The following TSPEAR variants were observed in gnomAD, a reference collection of about 807,000 sequenced individuals.
The protein encoded by TSPEAR is thrombospondin type laminin G domain and EAR repeats.
In TSPEAR, 69 loss-of-function variants were observed where a neutral mutation model predicts 71.6. The observed-to-expected ratio is 0.96, with a 90% CI of 0.79 to 1.18. The LOEUF (loss-of-function observed/expected upper bound fraction) is 1.18. TSPEAR is among the 50% of genes most tolerant of loss of function. The pLI, the probability that TSPEAR is intolerant of heterozygous loss-of-function variation, is 0.00. For synonymous variants in TSPEAR, 402 were observed against 387.2 expected (o/e 1.04, Z -0.45); for missense variants, 971 against 894.9 (o/e 1.09, Z -1.09).
chr21:44,638,155 C>T (rs782489072), intron 1 of TSPEAR: 15 of 1,609,930 alleles, frequency 9.3e-6, no homozygotes, highest in Middle Eastern at 1.6e-4. Flanking sequence ...TCTGCTCTGG[C>T]CAGAAGTCCA....
intron 1 of TSPEAR, among the ~76,000 whole-genome samples, chr21:44,570,741 A>T (rs2053781048): frequency 6.6e-6 from 1 of 152,216 alleles, no homozygotes; most frequent in East Asian, 1.9e-4. Flanking sequence ...AAATAGAGGA[A>T]ACTGATTAAA....
intron 1 of TSPEAR, among the ~76,000 whole-genome samples, chr21:44,626,749 G>A (rs1441470010): frequency 3.9e-5 from 6 of 152,092 alleles, no homozygotes; most frequent in Non-Finnish European, 8.8e-5. Context: ...GAGGAAGCCC[G>A]TGTCCTGAGG....
chr21:44,697,371 G>C, intron 1 of TSPEAR: 1 of 1,613,182 alleles, frequency 6.2e-7, no homozygotes, highest in African/African-American at 1.3e-5. Flanking sequence ...CCAGTGAGCC[G>C]TGTATCCAGC....
chr21:44,580,736 C>T, intron 1 of TSPEAR: 1 of 753,460 alleles, frequency 1.3e-6, no homozygotes. Context: ...GCTCCACAAG[C>T]TTCTCTTCCT....
chr21:44,596,114 T>C (rs1019551465), intron 1 of TSPEAR, among the ~76,000 whole-genome samples: 1 of 152,234 alleles, frequency 6.6e-6, no homozygotes, highest in African/African-American at 2.4e-5. Flanking sequence ...CAAGCTCATG[T>C]GATTGTTGGC....
intron 1 of TSPEAR, among the ~76,000 whole-genome samples, chr21:44,669,284 G>A (rs587663114): frequency 6.6e-6 from 1 of 152,240 alleles, no homozygotes; most frequent in African/African-American, 2.4e-5. Flanking sequence ...TTAGCTGGGT[G>A]TGGTGGCACG....
Position 44,623,509 on chromosome 21 carries a change from C to T in TSPEAR, c.83-55504G>A, listed in dbSNP as rs1982581244. Among the ~76,000 whole-genome samples, 1 of 152,184 alleles carries T rather than the reference C, an allele frequency of 6.6e-6. No individual in the cohort carries two copies. Among genetic ancestry groups the T allele is most frequent in the Admixed American group, 6.5e-5 (1 of 15,288 alleles). ...TTCATTTAGATTTCCCCATGTTGTC[C>T]TCCTTTTGTTACACTTCATTTCCTT... On this transcript the variant is annotated intron_variant, in intron 1 of 11. Coordinates refer to ENST00000323084, the MANE Select transcript of TSPEAR (RefSeq NM_144991.3). This position sits in a 1 kb window ranked among gnomAD's most constrained non-coding sequence, Gnocchi z 4.5.
intron 9 of TSPEAR, among the ~76,000 whole-genome samples, chr21:44,515,068 A>C (rs1473819214): frequency 1.3e-5 from 2 of 152,132 alleles, no homozygotes; most frequent in African/African-American, 4.8e-5. Context: ...GCGCCTCTCT[A>C]TGGCACACAC....
At chr21:44,696,102 CCTTCA>C (rs1287320360) in intron 1 of TSPEAR, among the ~76,000 whole-genome samples, 2 of 152,172 alleles carry the variant, frequency 1.3e-5, no homozygotes, top group African/African-American at 4.8e-5. Context: ...CTGGACCTTC[CCTTCA>C]CAATAATGTT....
chr21:44,590,721 T>G (rs114521859), intron 1 of TSPEAR, among the ~76,000 whole-genome samples: 4,728 of 152,142 alleles, frequency 0.031, 229 homozygotes, highest in African/African-American at 0.1. Context: ...GCTACCCCAG[T>G]CCTGGGGGGC....
At chr21:44,524,360 C>A (rs1311301984) in intron 8 of TSPEAR, among the ~76,000 whole-genome samples, 5 of 151,942 alleles carry the variant, frequency 3.3e-5, no homozygotes, top group African/African-American at 1.2e-4. Context: ...GTTAGCCAGT[C>A]AGGTAGCTAG....
At chr21:44,591,864 T>A in intron 1 of TSPEAR, 1 of 1,577,516 alleles carries the variant, frequency 6.3e-7, no homozygotes, top group Non-Finnish European at 8.6e-7. Flanking sequence ...GCTGGCAGCA[T>A]GAGGGTGTGC....
At chr21:44,575,241 C>A in intron 1 of TSPEAR, 1 of 589,736 alleles carries the variant, frequency 1.7e-6, no homozygotes, top group Non-Finnish European at 3.1e-6. Flanking sequence ...CCCTCCATAT[C>A]TCCCACCTCT....
At chr21:44,689,712 A>ATATATATATATATATATATATATATATAG (rs1555949491) in intron 1 of TSPEAR, among the ~76,000 whole-genome samples, 1 of 62,038 alleles carries the variant, frequency 1.6e-5, no homozygotes, top group African/African-American at 8.1e-5. Flanking sequence ...GAATAGAATG[A>ATATATATATATATATATATATATATATAG]ATATATATAT....
At chr21:44,539,599 G>A (rs200124107) in intron 2 of TSPEAR, 18,803 of 1,613,792 alleles carry the variant, frequency 0.012, 148 homozygotes, top group Non-Finnish European at 0.014. Context: ...GGACGGGCAC[G>A]CAGCAGGCCT....
chr21:44,579,631 A>C, intron 1 of TSPEAR: 1 of 1,141,118 alleles, frequency 8.8e-7, no homozygotes, highest in Non-Finnish European at 1.2e-6. Context: ...TCCTGGGAGT[A>C]TGGAGGGGGG....
intron 1 of TSPEAR, among the ~76,000 whole-genome samples, chr21:44,571,061 A>G (rs1555922456): frequency 1.3e-5 from 2 of 152,260 alleles, no homozygotes; most frequent in South Asian, 2.1e-4. Context: ...TCAATTCTAC[A>G]TCATCTCTTT....
chr21:44,525,626 C>G, intron 8 of TSPEAR, 27 bp downstream of exon 8: 1 of 1,609,994 alleles, frequency 6.2e-7, no homozygotes, highest in Non-Finnish European at 8.5e-7. Flanking sequence ...TGGTTGCCTC[C>G]CGGTGTGAAG....
intron 2 of TSPEAR, among the ~76,000 whole-genome samples, chr21:44,542,633 G>C (rs2053239166): frequency 6.6e-6 from 1 of 151,238 alleles, no homozygotes; most frequent in East Asian, 1.9e-4. Context: ...TGTAGTCCCA[G>C]CTACTCAAGA....
Sources: gnomAD v4.1 joint callset for allele counts (sites outside exome capture counted in the v4.1 genomes callset) on GRCh38, gnomAD v4.1.1 for gene constraint, Gnocchi (gnomAD v3.1) non-coding constraint, MANE v1.5 for transcripts, NCBI Gene and HGNC (gene_info 2026-07-23, HGNC 2026-07-21) for gene names.